SECTM1: variants seen among roughly 807,000 people sequenced by gnomAD.
The protein encoded by SECTM1 is secreted and transmembrane protein 1.
A neutral mutation model predicts 18.1 loss-of-function variants in SECTM1; 10 were observed. The observed-to-expected ratio is 0.55, with a 90% CI of 0.34 to 0.94. The LOEUF (loss-of-function observed/expected upper bound fraction) is 0.94, where lower values mean the gene tolerates loss of function less well. SECTM1 is among the 40% of genes least tolerant of loss of function. SECTM1 has a pLI of 0.02. For missense variants in SECTM1, 297 were observed against 322.6 expected, an observed-to-expected ratio of 0.92 and a Z score of 0.61; for synonymous variants, 137 against 139.2, an observed-to-expected ratio of 0.98 and a Z score of 0.11.
At chr17:82,327,348 C>A (rs943387790) in intron 1 of SECTM1, 56 bp from the exon 2 acceptor site, 1 of 1,026,020 alleles carries the variant, frequency 9.7e-7, no homozygotes, top group African/African-American at 1.7e-5. Flanking sequence ...AAGGGGACAG[C>A]GGGAGCGGCT....
At position 82,321,786 on chromosome 17, in the gene SECTM1, C is replaced by T; in HGVS notation, c.*375G>A. On this transcript the variant is annotated 3_prime_UTR_variant, in exon 5 of 5. Coordinates refer to ENST00000269389, the MANE Select transcript of SECTM1 (RefSeq NM_003004.3). Reference sequence around the variant, plus strand: ...GTGTGTCTGAGGCTCCGGCAGGGGCCCCCTCACTTGGGCGCGGAGCCCTGG... The same window carrying T: ...GTGTGTCTGAGGCTCCGGCAGGGGCTCCCTCACTTGGGCGCGGAGCCCTGG... The T allele has an allele frequency of 4.3e-6, 1 of 231,724 alleles. No homozygotes were observed. Among genetic ancestry groups the T allele is most frequent in the Non-Finnish European group, 8.7e-6 (1 of 114,782 alleles). 14.4% of individuals were successfully genotyped at this position (231,724 alleles called of 1,614,324 possible). A position where few individuals can be genotyped will look rare whatever the true frequency, so the allele number is the denominator to read the frequency against.
At chr17:82,331,403 C>T (rs946140601) in intron 1 of SECTM1, among the ~76,000 whole-genome samples, 2 of 152,134 alleles carry the variant, frequency 1.3e-5, no homozygotes, top group Admixed American at 6.6e-5. Flanking sequence ...GAATTTGCTC[C>T]GTTTATCAGA....
In SECTM1 at chr17:82,326,330, T is replaced by C. The variant is rs750082148; in HGVS notation, c.94+817A>G. Reference sequence around the variant, plus strand: ...TTTAAAAGCCCCTCGGGTGGCTCAGTGGCTCACGCCTGTAATCCCAGCACT... The same window carrying C: ...TTTAAAAGCCCCTCGGGTGGCTCAGCGGCTCACGCCTGTAATCCCAGCACT... On this transcript the variant is annotated intron_variant, in intron 2 of 4. Coordinates refer to ENST00000269389, the MANE Select transcript of SECTM1 (RefSeq NM_003004.3). The surrounding 1 kb of genome is among the most constrained non-coding windows in gnomAD (Gnocchi z 4.3). Among the ~76,000 whole-genome samples, 4 of 152,148 alleles carry C rather than the reference T, an allele frequency of 2.6e-5. No homozygotes were observed. The highest frequency in any genetic ancestry group is 5.9e-5 in the Non-Finnish European group (4 of 68,026).
intron 3 of SECTM1, among the ~76,000 whole-genome samples, chr17:82,323,536 G>T (rs1466245957): frequency 6.7e-6 from 1 of 148,812 alleles, no homozygotes; most frequent in African/African-American, 2.5e-5. Context: ...CCTGAGCTTT[G>T]CAGGAAAGGG....
rs1420141472 is a variant in SECTM1 at position 82,330,211 on chromosome 17, C to A, written c.-52-2919G>T. Among the ~76,000 whole-genome samples, 3 of 152,194 alleles carry A rather than the reference C, an allele frequency of 2.0e-5. No individual in the cohort carries two copies. The highest frequency in any genetic ancestry group is 4.4e-5 in the Non-Finnish European group (3 of 68,006). On this transcript the variant is annotated intron_variant, in intron 1 of 4. Coordinates refer to ENST00000269389, the MANE Select transcript of SECTM1 (RefSeq NM_003004.3). The surrounding 1 kb of genome is among the most constrained non-coding windows in gnomAD (Gnocchi z 6.1). ...GGGTCGGGGCTGCTGGGGGCTCCCCCACTGCTCTCCGCACCACCCCGCCGA... is the reference window on the plus strand; with the variant it reads ...GGGTCGGGGCTGCTGGGGGCTCCCCAACTGCTCTCCGCACCACCCCGCCGA...
At chr17:82,322,766 C>A in intron 4 of SECTM1, 112 bp downstream of exon 4, 1 of 1,335,544 alleles carries the variant, frequency 7.5e-7, no homozygotes, top group African/African-American at 1.5e-5. Flanking sequence ...GGTGCTCCCC[C>A]CACCCTCTCC....
At chr17:82,323,834 G>A (rs2052120330) in intron 3 of SECTM1, among the ~76,000 whole-genome samples, 1 of 151,656 alleles carries the variant, frequency 6.6e-6, no homozygotes, top group Admixed American at 6.6e-5. Context: ...AGCTGAGGCA[G>A]AGAGTGGGGC....
chr17:82,331,330 C>T (rs1248825357), intron 1 of SECTM1, among the ~76,000 whole-genome samples: 2 of 152,096 alleles, frequency 1.3e-5, no homozygotes, highest in Admixed American at 6.5e-5. Context: ...CTTCAGGCTG[C>T]GGACCATGCG....
In SECTM1 at chr17:82,330,830, A is replaced by C. The variant is rs1333439348; in HGVS notation, c.-53+2870T>G. Among the ~76,000 whole-genome samples, 2 of 151,856 alleles carry C rather than the reference A, an allele frequency of 1.3e-5. No individual in the cohort carries two copies. Among genetic ancestry groups the C allele is most frequent in the Non-Finnish European group, 2.9e-5 (2 of 67,962 alleles). Reference sequence around the variant, plus strand: ...CAGTGGTTGGGGAGAGGGGGGTGGGAGTGAGAAGCTGGCACTGTCCGTCTT... The same window carrying C: ...CAGTGGTTGGGGAGAGGGGGGTGGGCGTGAGAAGCTGGCACTGTCCGTCTT... On this transcript the variant is annotated intron_variant, in intron 1 of 4. Transcript: ENST00000269389. The surrounding 1 kb of genome is among the most constrained non-coding windows in gnomAD (Gnocchi z 6.1).
chr17:82,327,202 G>A lies in SECTM1; in HGVS notation c.39C>T (p.Ser13=). 1 of 1,612,794 alleles carries A rather than the reference G, an allele frequency of 6.2e-7. No individual in the cohort carries two copies. Among genetic ancestry groups the A allele is most frequent in the Non-Finnish European group, 8.5e-7 (1 of 1,179,410 alleles). ...AAAACAGGAGGGTCCCAAGGGCCTG[G>A]GAAACGTGGCCAGGGAATGCCAGGG... ...TCPLAFPGHV[S]QALGTLLFLA... Residue 13 remains serine (S), a synonymous_variant, in exon 2 of 5, where the codon TCC becomes TCT. Transcript: ENST00000269389.
At position 82,327,312 on chromosome 17, in the gene SECTM1, T is replaced by C. The variant is rs1270742684; in HGVS notation, c.-52-20A>G. ...CACTCCCTGGAGGAAGGAAAGCCCA[T>C]GGGTCAGAGCCCCCTGCAGCTGCTG... On this transcript the variant is annotated intron_variant, in intron 1 of 4. Coordinates refer to ENST00000269389, the MANE Select transcript of SECTM1 (RefSeq NM_003004.3). 2.2e-6 allele frequency: 3 copies of C among 1,379,208 alleles called. No homozygotes were observed. Among genetic ancestry groups the C allele is most frequent in the Non-Finnish European group, 3.0e-6 (3 of 994,582 alleles). 85.4% of individuals were successfully genotyped at this position (1,379,208 alleles called of 1,614,324 possible). A position where few individuals can be genotyped will look rare whatever the true frequency, so the allele number is the denominator to read the frequency against.
chr17:82,324,781 C>A lies in SECTM1; in HGVS notation c.204G>T (p.Leu68=), dbSNP rs776245140. Residue 68 remains leucine, a synonymous_variant, in exon 3 of 5, where the codon CTG becomes CTT. Coordinates refer to ENST00000269389, the MANE Select transcript of SECTM1 (RefSeq NM_003004.3). ...SNAFSHVNIK[L]RAHGQESAIF... ...TGGCGCTCTCCTGCCCGTGGGCACG[C>A]AGCTTGATGTTGACATGGGAGAAGG... 13 of 1,614,158 alleles carry A rather than the reference C, an allele frequency of 8.1e-6. No homozygotes were observed. In the South Asian group the frequency reaches 1.2e-4, roughly 15 times the overall value.
At position 82,324,663 on chromosome 17, in the gene SECTM1, G is replaced by T. The variant is rs369939356; in HGVS notation, c.322C>A (p.Arg108=). The T allele has an allele frequency of 6.2e-7, 1 of 1,613,800 alleles. No homozygotes were observed. Among genetic ancestry groups the T allele is most frequent in the Non-Finnish European group, 8.5e-7 (1 of 1,179,998 alleles). Residue 108 remains arginine, a synonymous_variant, in exon 3 of 5, where the codon CGG becomes AGG. Coordinates refer to ENST00000269389, the MANE Select transcript of SECTM1 (RefSeq NM_003004.3). Reference sequence around the variant, plus strand: ...ATGTACAGCCCAGCATGGGAGTCCCGGGCGCCTTTGATCACCAGCTGTGCC... The same window carrying T: ...ATGTACAGCCCAGCATGGGAGTCCCTGGCGCCTTTGATCACCAGCTGTGCC... The part of the protein sequence containing the change: ...GVAQLVIKGA[R]DSHAGLYMWH...
intron 2 of SECTM1, 66 bp from the exon 3 acceptor site, chr17:82,324,956 G>A: frequency 1.3e-6 from 2 of 1,507,848 alleles, no homozygotes; most frequent in Admixed American, 3.9e-5. Context: ...TGGCTGCTGT[G>A]CCCAGGGCCA....
Position 82,330,858 on chromosome 17 carries a change from T to G in SECTM1, c.-53+2842A>C, listed in dbSNP as rs946166078. Among the ~76,000 whole-genome samples the G allele has an allele frequency of 6.6e-6, 1 of 152,132 alleles. No homozygotes were observed. Among genetic ancestry groups the G allele is most frequent in the Non-Finnish European group, 1.5e-5 (1 of 68,014 alleles). ...GAGAAGCTGGCACTGTCCGTCTTTC[T>G]GGCCTCATCCTCTCCATGGTCTCAG... On this transcript the variant is annotated intron_variant, in intron 1 of 4. Coordinates refer to ENST00000269389, the MANE Select transcript of SECTM1 (RefSeq NM_003004.3). The surrounding 1 kb of genome is among the most constrained non-coding windows in gnomAD (Gnocchi z 6.1).
intron 3 of SECTM1, 24 bp from the exon 4 acceptor site, chr17:82,323,035 T>C (rs774371918): frequency 6.9e-6 from 11 of 1,599,858 alleles, no homozygotes; most frequent in Non-Finnish European, 8.5e-6. Flanking sequence ...TTCAGGGGTG[T>C]ACAGGTGGGC....
intron 1 of SECTM1, among the ~76,000 whole-genome samples, chr17:82,332,193 G>A (rs1039568085): frequency 6.6e-6 from 1 of 152,148 alleles, no homozygotes; most frequent in East Asian, 1.9e-4. Flanking sequence ...AGATGGAGGC[G>A]GCAATCAGAT....
chr17:82,333,573 C>CCCCCAGCACCGAGT (rs1567846663), intron 1 of SECTM1, 127 bp downstream of exon 1: 2 of 171,416 alleles, frequency 1.2e-5, no homozygotes, highest in South Asian at 9.7e-5. Context: ...TAACACCGAG[C>CCCCCAGCACCGAGT]CCCCAGCACC....
chr17:82,331,755 C>T (rs1013382159), intron 1 of SECTM1, among the ~76,000 whole-genome samples: 11 of 152,242 alleles, frequency 7.2e-5, no homozygotes, highest in African/African-American at 2.2e-4. Flanking sequence ...GCCAGGTGGG[C>T]GGTGACTGGC....
Sources: gnomAD v4.1 joint callset for allele counts (sites outside exome capture counted in the v4.1 genomes callset) on GRCh38, gnomAD v4.1.1 for gene constraint, Gnocchi (gnomAD v3.1) non-coding constraint, MANE v1.5 for transcripts, NCBI Gene and HGNC (gene_info 2026-07-23, HGNC 2026-07-21) for gene names.